Variants in AVEN observed in about 807,000 individuals in gnomAD.
The protein encoded by AVEN is cell death regulator Aven.
In AVEN, 41 loss-of-function variants were observed where a neutral mutation model predicts 38.1. The observed-to-expected ratio is 1.08, with a 90% confidence interval of 0.84 to 1.40. The LOEUF is 1.40. Among genes scored for constraint, AVEN ranks in the 40% most tolerant of loss-of-function variants. The probability of loss-of-function intolerance (pLI) is 0.00; values close to 1 mark genes in which losing one functional copy is unlikely to be tolerated. For missense variants in AVEN, 605 were observed against 438.8 expected (o/e 1.38, Z -3.38); for synonymous variants, 206 against 171.8 (o/e 1.20, Z -1.56).
Position 33,875,676 on chromosome 15 carries a change from T to A in AVEN, c.516+249A>T, listed in dbSNP as rs77078378. On this transcript the variant is annotated intron_variant, in intron 3 of 5. Transcript: ENST00000306730. ...TCTGTCAAAATCACGGCTATCAAGT[T>A]TCTACCTCGAGACCCCGTCCATGTG... Among the ~76,000 whole-genome samples, 161 of 152,264 alleles carry A rather than the reference T, an allele frequency of 1.1e-3. 2 individuals are homozygous for A. The East Asian group carries it at 0.027, about 26-fold the overall frequency.
chr15:34,022,201 C>A (rs1398832642), intron 1 of AVEN, among the ~76,000 whole-genome samples: 1 of 152,168 alleles, frequency 6.6e-6, no homozygotes, highest in Non-Finnish European at 1.5e-5. Context: ...GGCATCATGG[C>A]CCCATGTTAG....
chr15:34,002,532 T>G lies in AVEN; in HGVS notation c.445+500A>C, dbSNP rs559837231. ...TCACGGAAAGGCTGGGTTTTTCACT[T>G]TATTGACAGAGAAGACTATCCAAAA... On this transcript the variant is annotated intron_variant, in intron 2 of 5. Coordinates refer to ENST00000306730, the MANE Select transcript of AVEN (RefSeq NM_020371.3). Among the ~76,000 whole-genome samples, 13 of 42,122 alleles carry G rather than the reference T, an allele frequency of 3.1e-4. No individual in the cohort carries two copies. The East Asian group carries it at 8.7e-3, about 28-fold the overall frequency. The allele number at this position is 42,122 out of a possible 152,430, so 27.6% of individuals were successfully genotyped here. A position where few individuals can be genotyped will look rare whatever the true frequency, so the allele number is the denominator to read the frequency against.
At chr15:33,925,575 T>C (rs1041365383) in intron 2 of AVEN, among the ~76,000 whole-genome samples, 16 of 152,222 alleles carry the variant, frequency 1.1e-4, no homozygotes, top group African/African-American at 3.9e-4. Flanking sequence ...TGCCGGTTAA[T>C]GGCTGTTAAT....
chr15:33,857,629 T>C, downstream of AVEN: 1 of 871,970 alleles, frequency 1.1e-6, no homozygotes, highest in Non-Finnish European at 1.8e-6. Flanking sequence ...GCTCATGGCC[T>C]GATAGCTTTC....
intron 2 of AVEN, among the ~76,000 whole-genome samples, chr15:33,930,886 C>T (rs1197876924): frequency 6.8e-6 from 1 of 146,420 alleles, no homozygotes; most frequent in African/African-American, 2.6e-5. Context: ...ACCTGGGAGG[C>T]GGAGCTTGCA....
intron 2 of AVEN, among the ~76,000 whole-genome samples, chr15:33,884,228 T>G (rs1158919122): frequency 6.6e-6 from 1 of 152,198 alleles, no homozygotes; most frequent in East Asian, 1.9e-4. Flanking sequence ...TTGGCTATCT[T>G]GAGTTCCCCA....
chr15:33,978,881 G>A (rs749641338), intron 2 of AVEN, among the ~76,000 whole-genome samples: 3 of 151,924 alleles, frequency 2.0e-5, no homozygotes, highest in South Asian at 2.1e-4. Flanking sequence ...AGTCTAACAA[G>A]AACAAACATG....
intron 2 of AVEN, among the ~76,000 whole-genome samples, chr15:33,945,098 T>C (rs1894459019): frequency 6.6e-6 from 1 of 152,162 alleles, no homozygotes; most frequent in Non-Finnish European, 1.5e-5. Flanking sequence ...CACAGAGCTG[T>C]TCCCTGAATG....
chr15:33,962,106 T>C (rs1242835719), intron 2 of AVEN, among the ~76,000 whole-genome samples: 4 of 152,032 alleles, frequency 2.6e-5, no homozygotes, highest in African/African-American at 2.4e-5. Context: ...GAAGTTATGA[T>C]TGGTGTTACA....
At chr15:33,860,787 G>A (rs1887894064) in intron 11 of AVEN, 6 of 774,738 alleles carry the variant, frequency 7.7e-6, no homozygotes, top group African/African-American at 3.6e-5. Context: ...TGTTTTCCAT[G>A]CCCTGTTCTC....
At chr15:33,964,445 T>A (rs1007545384) in intron 2 of AVEN, among the ~76,000 whole-genome samples, 20 of 152,188 alleles carry the variant, frequency 1.3e-4, no homozygotes, top group Non-Finnish European at 2.5e-4. Flanking sequence ...GAAAGATTCA[T>A]TTAAAGTGTC....
rs1892980052 is a variant in AVEN, at chr15:33,913,063, A to G, written c.446-37068T>C. ...CACCACCACACCCAGCTAATTTTGT[A>G]TTTTTCGTAGAGATGGGGTTTCTCC... On this transcript the variant is annotated intron_variant, in intron 2 of 5. Coordinates refer to ENST00000306730, the MANE Select transcript of AVEN (RefSeq NM_020371.3). Among the ~76,000 whole-genome samples the G allele has an allele frequency of 3.3e-5, 5 of 151,696 alleles. No individual in the cohort carries two copies. The South Asian group carries it at 1.0e-3, about 32-fold the overall frequency.
chr15:33,869,706 A>G (rs761283360), intron 4 of AVEN, among the ~76,000 whole-genome samples: 2 of 152,184 alleles, frequency 1.3e-5, no homozygotes, highest in Non-Finnish European at 2.9e-5. Context: ...TATACAGCAA[A>G]TGAATGGGTA....
At chr15:33,995,473 A>C (rs1896895521) in intron 2 of AVEN, among the ~76,000 whole-genome samples, 1 of 152,102 alleles carries the variant, frequency 6.6e-6, no homozygotes, top group Non-Finnish European at 1.5e-5. Context: ...TATATCAGAG[A>C]CTTAGCATTC....
intron 2 of AVEN, among the ~76,000 whole-genome samples, chr15:33,961,827 A>G (rs1290148165): frequency 2.0e-5 from 3 of 150,986 alleles, no homozygotes; most frequent in Admixed American, 6.6e-5. Flanking sequence ...AAAAAAAAAA[A>G]AAAAAAAAAA....
chr15:33,958,847 T>C (rs1053423047), intron 2 of AVEN, among the ~76,000 whole-genome samples: 1 of 152,194 alleles, frequency 6.6e-6, no homozygotes, highest in Non-Finnish European at 1.5e-5. Flanking sequence ...CTCTATGCCA[T>C]AGGTGTGCTC....
At chr15:33,932,667 A>C (rs184906767) in intron 2 of AVEN, among the ~76,000 whole-genome samples, 2 of 152,058 alleles carry the variant, frequency 1.3e-5, no homozygotes, top group Non-Finnish European at 2.9e-5. Context: ...TCTACTAAAA[A>C]TACAAAAATT....
Position 33,866,643 on chromosome 15 carries a change from C to CA in AVEN, c.1058dup (p.Glu354GlyfsTer46). 1 of 1,613,960 alleles carries CA rather than the reference C, an allele frequency of 6.2e-7. No homozygotes were observed. The highest frequency in any genetic ancestry group is 8.5e-7 in the Non-Finnish European group (1 of 1,179,880). ...AAATCATGCTGTCCAACCAGTCTTC[C>CA]AGCTCTTCCTCGGTAACATTTTTGG... On this transcript the variant is annotated frameshift_variant, in exon 6 of 6. Transcript: ENST00000306730. LOFTEE classifies it high-confidence loss of function.
intron 2 of AVEN, among the ~76,000 whole-genome samples, chr15:33,936,041 C>T (rs1292178927): frequency 1.3e-5 from 2 of 151,556 alleles, no homozygotes; most frequent in Non-Finnish European, 2.9e-5. Flanking sequence ...AGCAAAAATA[C>T]GAATGGAAGG....
Sources: allele counts gnomAD v4.1 joint callset (sites outside exome capture counted in the v4.1 genomes callset), GRCh38; gene constraint gnomAD v4.1.1; transcripts MANE v1.5; gene names NCBI Gene and HGNC (gene_info 2026-07-23, HGNC 2026-07-21).